Variants in NTN4 observed in about 807,000 individuals in gnomAD.
NTN4 encodes the protein netrin-4.
A neutral mutation model predicts 73.6 loss-of-function variants in NTN4; 32 were observed. That is an observed-to-expected ratio of 0.44 (90% CI 0.33 to 0.58). NTN4 has a LOEUF of 0.58. Ranked by LOEUF, NTN4 falls within the 20% of genes least tolerant of loss-of-function variation. The probability of loss-of-function intolerance (pLI) is 0.04; values close to 1 mark genes in which losing one functional copy is unlikely to be tolerated. For synonymous variants in NTN4, 258 were observed against 287.5 expected (o/e 0.90, Z 1.04); for missense variants, 654 against 798.3 (o/e 0.82, Z 2.18).
At chr12:95,686,662 G>A (rs1245484740) in intron 5 of NTN4, among the ~76,000 whole-genome samples, 2 of 151,892 alleles carry the variant, frequency 1.3e-5, no homozygotes, top group African/African-American at 4.8e-5. Context: ...GGAGACTGAG[G>A]CAGGAGAATC....
chr12:95,677,267 A>G (rs994278465), intron 7 of NTN4, among the ~76,000 whole-genome samples: 2 of 152,094 alleles, frequency 1.3e-5, no homozygotes, highest in Non-Finnish European at 2.9e-5. Context: ...GAAAACTTTG[A>G]TTACCAACAC....
intron 5 of NTN4, among the ~76,000 whole-genome samples, chr12:95,708,256 T>TTTTATTTTA (rs1025798397): frequency 3.5e-5 from 5 of 142,380 alleles, no homozygotes; most frequent in Non-Finnish European, 7.6e-5. Context: ...TTTATTGTTA[T>TTTTATTTTA]TTTATTTATT....
At chr12:95,679,965 C>T (rs1354451295) in intron 7 of NTN4, among the ~76,000 whole-genome samples, 2 of 152,150 alleles carry the variant, frequency 1.3e-5, no homozygotes, top group Non-Finnish European at 2.9e-5. Context: ...CTTTTCTCTG[C>T]CACCTGTATA....
rs1464383382 is a variant in NTN4 at position 95,722,618 on chromosome 12, G to C, written c.865-9280C>G. 6.6e-5 allele frequency among the ~76,000 whole-genome samples: 10 copies of C among 151,596 alleles called. No homozygotes were observed. The East Asian group carries it at 1.9e-3, about 30-fold the overall frequency. On this transcript the variant is annotated intron_variant, in intron 3 of 9. Transcript: ENST00000343702. ...CCAGCCTGGGCCAGAGCCAGACCTT[G>C]TCTCGAAAAACAAAACAAAAACCTC...
intron 2 of NTN4, among the ~76,000 whole-genome samples, chr12:95,750,618 C>A (rs948379683): frequency 2.6e-5 from 4 of 152,116 alleles, no homozygotes; most frequent in African/African-American, 9.7e-5. Context: ...CACATCAGTC[C>A]CTTCCTAGCC....
At chr12:95,777,882 C>T (rs959571107) in intron 2 of NTN4, among the ~76,000 whole-genome samples, 2 of 150,024 alleles carry the variant, frequency 1.3e-5, no homozygotes, top group African/African-American at 2.5e-5. Flanking sequence ...AGCACCACAT[C>T]GCACTTATTC....
chr12:95,732,480 T>C (rs2078745541), intron 3 of NTN4, among the ~76,000 whole-genome samples: 1 of 130,770 alleles, frequency 7.6e-6, no homozygotes, highest in South Asian at 2.8e-4. Context: ...CTCAGCTCAC[T>C]GCAAACTCTG....
At position 95,659,012 on chromosome 12, in the gene NTN4, G is replaced by A; in HGVS notation, c.*74C>T. 1 of 1,434,220 alleles carries A rather than the reference G, an allele frequency of 7.0e-7. No individual in the cohort carries two copies. Among genetic ancestry groups the A allele is most frequent in the Non-Finnish European group, 9.4e-7 (1 of 1,067,372 alleles). The allele number at this position is 1,434,220 out of a possible 1,614,324, so 88.8% of individuals were successfully genotyped here. On this transcript the variant is annotated 3_prime_UTR_variant, in exon 10 of 10. Coordinates refer to ENST00000343702, the MANE Select transcript of NTN4 (RefSeq NM_021229.4). ...GCACTTTAAAAAATTCCAGTTTCCT[G>A]TCTGAGGTCTTCTTGCTCTAAAGTT...
At chr12:95,698,532 G>C (rs540287390) in intron 5 of NTN4, among the ~76,000 whole-genome samples, 2 of 152,192 alleles carry the variant, frequency 1.3e-5, no homozygotes, top group East Asian at 3.9e-4. Context: ...TCCCAAATGT[G>C]ACTGATTTTT....
chr12:95,735,905 T>A (rs71460307), intron 3 of NTN4, among the ~76,000 whole-genome samples: 4,935 of 101,636 alleles, frequency 0.049, 144 homozygotes, highest in Non-Finnish European at 0.075. Context: ...TTTTTTAAAT[T>A]TTTATTTATT....
At chr12:95,680,136 T>C (rs1460060005) in intron 7 of NTN4, among the ~76,000 whole-genome samples, 1 of 152,212 alleles carries the variant, frequency 6.6e-6, no homozygotes, top group African/African-American at 2.4e-5. Context: ...TCATACTAAA[T>C]ACTTTATTTG....
At chr12:95,742,383 T>G (rs542516056) in intron 2 of NTN4, among the ~76,000 whole-genome samples, 2 of 147,828 alleles carry the variant, frequency 1.4e-5, no homozygotes, top group Non-Finnish European at 3.0e-5. Context: ...AAAAAAAGCA[T>G]GCTATATGTC....
intron 9 of NTN4, among the ~76,000 whole-genome samples, chr12:95,665,300 T>C (rs2078170816): frequency 6.6e-6 from 1 of 152,216 alleles, no homozygotes; most frequent in South Asian, 2.1e-4. Flanking sequence ...CTGTTTCTAA[T>C]TTGAAACCAG....
chr12:95,665,064 G>C (rs2078169101), intron 9 of NTN4, among the ~76,000 whole-genome samples: 1 of 152,110 alleles, frequency 6.6e-6, no homozygotes, highest in South Asian at 2.1e-4. Flanking sequence ...CTAATGGTAG[G>C]TATTGAAGAT....
intron 5 of NTN4, among the ~76,000 whole-genome samples, chr12:95,689,906 G>C (rs116325378): frequency 6.6e-6 from 1 of 152,276 alleles, no homozygotes; most frequent in African/African-American, 2.4e-5. Context: ...ACACCGGTCT[G>C]TAAGCTCTTT....
chr12:95,764,403 G>A (rs1014330528), intron 2 of NTN4, among the ~76,000 whole-genome samples: 9 of 152,174 alleles, frequency 5.9e-5, no homozygotes, highest in Non-Finnish European at 1.0e-4. Flanking sequence ...AGTGGCTCAC[G>A]CCTGTAATCC....
At chr12:95,769,751 C>CTTTTT (rs34093723) in intron 2 of NTN4, among the ~76,000 whole-genome samples, 8 of 117,110 alleles carry the variant, frequency 6.8e-5, no homozygotes, top group Admixed American at 9.4e-5. Flanking sequence ...AGGTTTCAAT[C>CTTTTT]TTTTTTTTTT....
At chr12:95,769,784 T>C (rs1362855905) in intron 2 of NTN4, among the ~76,000 whole-genome samples, 4 of 148,544 alleles carry the variant, frequency 2.7e-5, no homozygotes, top group Admixed American at 6.8e-5. Flanking sequence ...GAGACGGAGT[T>C]TCACTCTTGT....
Position 95,790,373 on chromosome 12 carries a change from T to A in NTN4, c.-64A>T. Reference sequence around the variant, plus strand: ...CCGGAGGGAGCCGAGACCTCTGGGCTGCGGGATGAAGCGCCGCCGTCCTCG... The same window carrying A: ...CCGGAGGGAGCCGAGACCTCTGGGCAGCGGGATGAAGCGCCGCCGTCCTCG... On this transcript the variant is annotated 5_prime_UTR_variant, in exon 1 of 10. Coordinates refer to ENST00000343702, the MANE Select transcript of NTN4 (RefSeq NM_021229.4). The surrounding 1 kb of genome is among the most constrained non-coding windows in gnomAD (Gnocchi z 6.5). 1 of 1,370,560 alleles carries A rather than the reference T, an allele frequency of 7.3e-7. No individual in the cohort carries two copies. The highest frequency in any genetic ancestry group is 2.5e-5 in the Admixed American group (1 of 39,420). 84.9% of individuals were successfully genotyped at this position (1,370,560 alleles called of 1,614,324 possible).
Sources: allele counts gnomAD v4.1 joint callset (sites outside exome capture counted in the v4.1 genomes callset), GRCh38; gene constraint gnomAD v4.1.1; non-coding constraint Gnocchi (gnomAD v3.1); transcripts MANE v1.5; gene names NCBI Gene and HGNC (gene_info 2026-07-23, HGNC 2026-07-21).